The following RASSF5 variants were observed in gnomAD, a reference collection of about 807,000 sequenced individuals.
RASSF5 encodes the protein Ras association domain family member 5, also known as ras association domain-containing protein 5.
RASSF5 carries 25 observed loss-of-function variants against 40.5 expected under a neutral mutation model. The observed-to-expected ratio is 0.62, with a 90% CI of 0.45 to 0.86. RASSF5 has a LOEUF of 0.86. RASSF5 is among the 40% of genes least tolerant of loss of function. The probability of loss-of-function intolerance (pLI) is 0.00; values close to 1 mark genes in which losing one functional copy is unlikely to be tolerated. For missense variants in RASSF5, 521 were observed against 572.8 expected (o/e 0.91, Z 0.92); for synonymous variants, 246 against 252.4 (o/e 0.97, Z 0.24).
intron 2 of RASSF5, chr1:206,544,852 A>G (rs1328774542): frequency 6.6e-6 from 1 of 151,674 alleles, no homozygotes; most frequent in Non-Finnish European, 1.5e-5. Context: ...CAGACATGCC[A>G]CTGTCTGCAT....
Position 206,588,823 on chromosome 1 carries a change from G to A in RASSF5, c.*1845G>A, listed in dbSNP as rs1017683502. The stretch of plus-strand genomic sequence containing the variant: ...CCCTGCTGTATATTAAAGGGAGCAG[G>A]TGGAGAGTCATTTTCCTTCGTCCTG... On this transcript the variant is annotated 3_prime_UTR_variant, in exon 6 of 6. Transcript: ENST00000579436. The A allele has an allele frequency of 1.4e-4, 21 of 152,698 alleles. No individual in the cohort carries two copies. The highest frequency in any genetic ancestry group is 1.3e-4 in the Non-Finnish European group (9 of 68,036). 9.5% of individuals were successfully genotyped at this position (152,698 alleles called of 1,614,324 possible).
chr1:206,563,316 C>T (rs144944009), intron 2 of RASSF5, among the ~76,000 whole-genome samples: 146 of 152,286 alleles, frequency 9.6e-4, no homozygotes, highest in African/African-American at 3.2e-3. Flanking sequence ...ACCGTTTCTG[C>T]GCCAGGCACC....
intron 2 of RASSF5, among the ~76,000 whole-genome samples, chr1:206,567,457 G>T (rs1553403567): frequency 6.6e-6 from 1 of 152,154 alleles, no homozygotes; most frequent in Non-Finnish European, 1.5e-5. Context: ...CCATTGGTCT[G>T]GGCACCCACA....
At chr1:206,549,383 C>T (rs1302606586) in intron 2 of RASSF5, among the ~76,000 whole-genome samples, 9 of 152,210 alleles carry the variant, frequency 5.9e-5, no homozygotes, top group Non-Finnish European at 1.0e-4. Flanking sequence ...AGACATTTCT[C>T]TGGGCTCCTC....
Position 206,513,427 on chromosome 1 carries a change from C to CA in RASSF5, c.457+5369dup, listed in dbSNP as rs1666669425. ...GCAAAGCATGCAAGCTCCCCACCCC[C>CA]AGCCCTTCTGAGGGAACCATGTTCC... On this transcript the variant is annotated intron_variant, in intron 1 of 5. Coordinates refer to ENST00000579436, the MANE Select transcript of RASSF5 (RefSeq NM_182663.4). The surrounding 1 kb of genome is among the most constrained non-coding windows in gnomAD (Gnocchi z 5.0). 1.3e-5 allele frequency among the ~76,000 whole-genome samples: 2 copies of CA among 152,198 alleles called. No individual in the cohort carries two copies. Among genetic ancestry groups the CA allele is most frequent in the African/African-American group, 4.8e-5 (2 of 41,430 alleles).
rs189096490 is a variant in RASSF5, at chr1:206,562,880, C to T, written c.580-20389C>T. Among the ~76,000 whole-genome samples the T allele has an allele frequency of 6.2e-3, 941 of 151,974 alleles. 6 individuals are homozygous for T. Among genetic ancestry groups the T allele is most frequent in the Middle Eastern group, 0.014 (4 of 294 alleles). ...GAGCTTGCAGTAAGCCAAGATCGTGCCACTGCACTCCAGCCTGGGCGACAG... is the reference window on the plus strand; with the variant it reads ...GAGCTTGCAGTAAGCCAAGATCGTGTCACTGCACTCCAGCCTGGGCGACAG... On this transcript the variant is annotated intron_variant, in intron 2 of 5. Transcript: ENST00000579436.
At chr1:206,522,433 A>C (rs539944089) in intron 1 of RASSF5, among the ~76,000 whole-genome samples, 34 of 152,200 alleles carry the variant, frequency 2.2e-4, no homozygotes, top group African/African-American at 6.0e-4. Context: ...GCATGGCCAT[A>C]CCCTAAATGC....
At chr1:206,572,312 T>G (rs1323162080) in intron 2 of RASSF5, among the ~76,000 whole-genome samples, 1 of 152,120 alleles carries the variant, frequency 6.6e-6, no homozygotes. Flanking sequence ...TTGAGGGAGC[T>G]TCTTCCGAGA....
chr1:206,509,694 G>A (rs1301500643), intron 1 of RASSF5, among the ~76,000 whole-genome samples: 1 of 151,200 alleles, frequency 6.6e-6, no homozygotes, highest in East Asian at 1.9e-4. Context: ...TGTATCACTT[G>A]TTGAAGATTT....
chr1:206,586,911 A>G lies in RASSF5; in HGVS notation c.1190A>G (p.Lys397Arg). 1.2e-6 allele frequency: 2 copies of G among 1,614,228 alleles called. No homozygotes were observed. Among genetic ancestry groups the G allele is most frequent in the Non-Finnish European group, 1.7e-6 (2 of 1,180,024 alleles). The change falls in exon 6 of 6, where the codon AAG becomes AGG. Residue 397 changes from lysine to arginine, a missense_variant. By Grantham distance (26) the Lys-to-Arg change is conservative (BLOSUM62 2). Transcript: ENST00000579436. ...CAGGACAAAATCCAACAAGTGCAAAAGAAGTATGACAAGTTTAGGCAGAAA... is the reference window on the plus strand; with the variant it reads ...CAGGACAAAATCCAACAAGTGCAAAGGAAGTATGACAAGTTTAGGCAGAAA... ...EEQDKIQQVQKKYDKFRQKLE... is the reference protein window; with the variant it reads ...EEQDKIQQVQRKYDKFRQKLE...
rs1553395026 is a variant in RASSF5 at position 206,513,846 on chromosome 1, C to T, written c.457+5787C>T. 1.3e-5 allele frequency among the ~76,000 whole-genome samples: 2 copies of T among 152,184 alleles called. No individual in the cohort carries two copies. On this transcript the variant is annotated intron_variant, in intron 1 of 5. Coordinates refer to ENST00000579436, the MANE Select transcript of RASSF5 (RefSeq NM_182663.4). The surrounding 1 kb of genome is among the most constrained non-coding windows in gnomAD (Gnocchi z 5.0). ...TAGACCAGGCAGAAGGCTGGGTTCC[C>T]TGGGGGCACTGGTTTAAGTGGAATA... is the stretch of plus-strand genomic sequence containing the variant.
In RASSF5 at chr1:206,584,713, C is replaced by G. The variant is rs1324671745; in HGVS notation, c.988+29C>G. 2 of 1,612,360 alleles carry G rather than the reference C, an allele frequency of 1.2e-6. No homozygotes were observed. Among genetic ancestry groups the G allele is most frequent in the African/African-American group, 1.3e-5 (1 of 74,820 alleles). ...GGAGAAAGAGTGAACCCAACCAGACCGTTCCCTTCCTACCTGTGTCCAAGC... is the reference window on the plus strand; with the variant it reads ...GGAGAAAGAGTGAACCCAACCAGACGGTTCCCTTCCTACCTGTGTCCAAGC... On this transcript the variant is annotated intron_variant, in intron 4 of 5. Coordinates refer to ENST00000579436, the MANE Select transcript of RASSF5 (RefSeq NM_182663.4). This position sits in a 1 kb window ranked among gnomAD's most constrained non-coding sequence, Gnocchi z 4.9.
intron 2 of RASSF5, among the ~76,000 whole-genome samples, chr1:206,577,123 T>C (rs1553405326): frequency 6.6e-6 from 1 of 152,142 alleles, no homozygotes; most frequent in African/African-American, 2.4e-5. Context: ...TAAATAGTTT[T>C]ACTGGAACCC....
rs1459609445 is a variant in RASSF5 at position 206,507,924 on chromosome 1, G to T, written c.322G>T (p.Glu108Ter). The change falls in exon 1 of 6, where the codon GAG (glutamate) becomes TAG (stop). Residue 108 changes from glutamate (E) to a stop codon, truncating the protein, a stop_gained. Transcript: ENST00000579436. LOFTEE classifies it high-confidence loss of function. ...PRPRDVRSIF[E>*]QPQDPRVPAE... ...ACCCCGCGACGTGCGGAGCATCTTC[G>T]AGCAGCCGCAGGATCCCAGAGTCCC... 11 of 1,518,002 alleles carry T rather than the reference G, an allele frequency of 7.2e-6. No individual in the cohort carries two copies. The highest frequency in any genetic ancestry group is 7.9e-6 in the Non-Finnish European group (9 of 1,140,934). The allele number at this position is 1,518,002 out of a possible 1,614,324, so 94.0% of individuals were successfully genotyped here.
At chr1:206,511,375 G>A (rs1666607778) in intron 1 of RASSF5, among the ~76,000 whole-genome samples, 1 of 152,192 alleles carries the variant, frequency 6.6e-6, no homozygotes, top group Non-Finnish European at 1.5e-5. Flanking sequence ...GTCCCTTAGT[G>A]TTCCTTCTGT....
At chr1:206,518,304 G>C in intron 1 of RASSF5, 1 of 396,644 alleles carries the variant, frequency 2.5e-6, no homozygotes, top group East Asian at 3.6e-5. Context: ...GCGAGGCCCA[G>C]GGCCCTCCCC....
intron 1 of RASSF5, among the ~76,000 whole-genome samples, chr1:206,534,681 T>C (rs149186195): frequency 3.9e-5 from 6 of 152,304 alleles, no homozygotes; most frequent in Non-Finnish European, 7.4e-5. Context: ...GGCCCCTGCT[T>C]TGGGCTGTCT....
chr1:206,574,467 C>T (rs1462008694), intron 2 of RASSF5, among the ~76,000 whole-genome samples: 2 of 152,196 alleles, frequency 1.3e-5, no homozygotes, highest in East Asian at 1.9e-4. Context: ...ATCTGCTCTA[C>T]GTTTTTGTCT....
At chr1:206,572,855 A>G (rs544178331) in intron 2 of RASSF5, among the ~76,000 whole-genome samples, 1 of 152,330 alleles carries the variant, frequency 6.6e-6, no homozygotes, top group East Asian at 1.9e-4. Flanking sequence ...CCCAAAGACA[A>G]AAGTTCTTAG....
Sources: gnomAD v4.1 joint callset for allele counts (sites outside exome capture counted in the v4.1 genomes callset) on GRCh38, gnomAD v4.1.1 for gene constraint, Gnocchi (gnomAD v3.1) non-coding constraint, MANE v1.5 for transcripts, NCBI Gene and HGNC (gene_info 2026-07-23, HGNC 2026-07-21) for gene names.